TMEM135: variants seen among roughly 807,000 people sequenced by gnomAD.
TMEM135 encodes the protein transmembrane protein 135, also known as peroxisomal membrane protein 52.
In TMEM135, 30 loss-of-function variants were observed where a neutral mutation model predicts 60.3. The observed-to-expected ratio is 0.50, with a 90% confidence interval of 0.37 to 0.68. The LOEUF is 0.68. Ranked by LOEUF, TMEM135 falls within the 30% of genes least tolerant of loss-of-function variation. The pLI is 0.00. For synonymous variants in TMEM135, 190 were observed against 186.7 expected, an observed-to-expected ratio of 1.02 and a Z score of -0.14; for missense variants, 468 against 548.8, an observed-to-expected ratio of 0.85 and a Z score of 1.47.
intron 1 of TMEM135, among the ~76,000 whole-genome samples, chr11:87,056,423 G>C (rs1020382231): frequency 6.6e-6 from 1 of 152,124 alleles, no homozygotes; most frequent in African/African-American, 2.4e-5. Flanking sequence ...TCTTTTTAAA[G>C]CTTTCTTTTT....
At chr11:87,192,944 G>A (rs554013093) in intron 5 of TMEM135, among the ~76,000 whole-genome samples, 113 of 152,064 alleles carry the variant, frequency 7.4e-4, no homozygotes, top group Non-Finnish European at 1.5e-3. Context: ...GGAAAACCCC[G>A]TCTCTACTAA....
rs1351322807 is a variant in TMEM135, at chr11:87,326,947, A to G, written c.*5614A>G. ...TTTTTTTTTCACTAAAACGCTTCCT[A>G]TAACTTGGATTAAAATTCAAAAATG... On this transcript the variant is annotated 3_prime_UTR_variant, in exon 15 of 15. Coordinates refer to ENST00000305494, the MANE Select transcript of TMEM135 (RefSeq NM_022918.4). 5 of 440,590 alleles carry G rather than the reference A, an allele frequency of 1.1e-5. No individual in the cohort carries two copies. The highest frequency in any genetic ancestry group is 7.1e-5 in the East Asian group (1 of 14,064). The allele number at this position is 440,590 out of a possible 1,614,324, so 27.3% of individuals were successfully genotyped here.
intron 4 of TMEM135, among the ~76,000 whole-genome samples, chr11:87,119,168 T>C (rs1857975021): frequency 6.6e-6 from 1 of 152,224 alleles, no homozygotes; most frequent in Non-Finnish European, 1.5e-5. Context: ...TAGTTTTTGA[T>C]TTAAAGTGAA....
At chr11:87,169,164 C>T (rs1044424212) in intron 5 of TMEM135, among the ~76,000 whole-genome samples, 5 of 150,752 alleles carry the variant, frequency 3.3e-5, no homozygotes, top group African/African-American at 1.2e-4. Flanking sequence ...TAAATTCTTC[C>T]TCCATCCCTT....
At chr11:87,114,320 C>G (rs1438195619) in intron 4 of TMEM135, among the ~76,000 whole-genome samples, 1 of 152,030 alleles carries the variant, frequency 6.6e-6, no homozygotes, top group East Asian at 1.9e-4. Context: ...AATAGGAACT[C>G]AGAGGTTTCA....
intron 5 of TMEM135, among the ~76,000 whole-genome samples, chr11:87,224,479 C>G (rs1038931408): frequency 1.8e-4 from 28 of 152,128 alleles, no homozygotes; most frequent in Admixed American, 3.9e-4. Context: ...CTAAAGTAAT[C>G]TAGAAGCTCT....
chr11:87,271,530 G>A (rs1941862721), intron 6 of TMEM135, among the ~76,000 whole-genome samples: 1 of 150,464 alleles, frequency 6.6e-6, no homozygotes, highest in South Asian at 2.1e-4. Flanking sequence ...GCATACATCA[G>A]ATTTCAAAGA....
rs1026222945 is a variant in TMEM135 at position 87,305,804 on chromosome 11, T to TAAATAAATAAATAAATAAAG, written c.699-129_699-128insTAAATAAATAAATAAAGAAA. ...ATAAATAAATAAATAAATAAATAAA[T>TAAATAAATAAATAAATAAAG]AAAGTGATGTTTTCTTCTCTCTCTT... is the stretch of plus-strand genomic sequence containing the variant. On this transcript the variant is annotated intron_variant, in intron 8 of 14. Coordinates refer to ENST00000305494, the MANE Select transcript of TMEM135 (RefSeq NM_022918.4). 2,158 of 412,336 alleles carry TAAATAAATAAATAAATAAAG rather than the reference T, an allele frequency of 5.2e-3. 9 individuals are homozygous for TAAATAAATAAATAAATAAAG. The highest frequency in any genetic ancestry group is 7.6e-3 in the Admixed American group (185 of 24,256). 25.5% of individuals were successfully genotyped at this position (412,336 alleles called of 1,614,324 possible).
At chr11:87,040,960 T>A (rs2512377) in intron 1 of TMEM135, among the ~76,000 whole-genome samples, 3 of 151,830 alleles carry the variant, frequency 2.0e-5, no homozygotes, top group Non-Finnish European at 4.4e-5. Flanking sequence ...TACAGACATT[T>A]ATTCATGCAG....
Position 87,327,692 on chromosome 11 carries a change from A to G in TMEM135, c.*6359A>G, listed in dbSNP as rs768221553. 1 of 454,030 alleles carries G rather than the reference A, an allele frequency of 2.2e-6. No homozygotes were observed. Among genetic ancestry groups the G allele is most frequent in the Non-Finnish European group, 4.4e-6 (1 of 226,792 alleles). 28.1% of individuals were successfully genotyped at this position (454,030 alleles called of 1,614,324 possible). ...TGGTCTGGCTCAGTACAAGTCCAAA[A>G]GCCTTGGAACCAGGGAAACTGATGG... is the stretch of plus-strand genomic sequence containing the variant. On this transcript the variant is annotated 3_prime_UTR_variant, in exon 15 of 15. Coordinates refer to ENST00000305494, the MANE Select transcript of TMEM135 (RefSeq NM_022918.4).
intron 5 of TMEM135, among the ~76,000 whole-genome samples, chr11:87,188,285 A>G (rs901037627): frequency 6.6e-6 from 1 of 152,176 alleles, no homozygotes; most frequent in Non-Finnish European, 1.5e-5. Context: ...AATTGAGCCA[A>G]TTTGAATTCA....
intron 9 of TMEM135, 49 bp downstream of exon 9, chr11:87,306,054 G>T (rs778393024): frequency 9.4e-7 from 1 of 1,066,650 alleles, no homozygotes; most frequent in East Asian, 2.6e-5. Flanking sequence ...AATGGGTATA[G>T]AAATTATTTA....
Position 87,159,617 on chromosome 11 carries a change from A to ACACACACACACACACACCCC in TMEM135, c.462+2212_462+2213insACACACACACACACACCCCC, listed in dbSNP as rs140303858. Among the ~76,000 whole-genome samples the ACACACACACACACACACCCC allele has an allele frequency of 3.5e-3, 522 of 149,442 alleles. 5 individuals are homozygous for ACACACACACACACACACCCC. The highest frequency in any genetic ancestry group is 0.023 in the East Asian group (116 of 4,992). On this transcript the variant is annotated intron_variant, in intron 5 of 14. Coordinates refer to ENST00000305494, the MANE Select transcript of TMEM135 (RefSeq NM_022918.4). Reference sequence around the variant, plus strand: ...CGCACACACACACACACACACACACACCATAGATTTTCCGAGACGGTTGGC... The same window carrying ACACACACACACACACACCCC: ...CGCACACACACACACACACACACACACACACACACACACACACCCCCCATAGATTTTCCGAGACGGTTGGC...
At chr11:87,252,792 A>ATC in intron 6 of TMEM135, among the ~76,000 whole-genome samples, 1 of 42,990 alleles carries the variant, frequency 2.3e-5, no homozygotes, top group Non-Finnish European at 8.0e-5. Context: ...AAAAATTAAA[A>ATC]TATATATGTG....
intron 4 of TMEM135, among the ~76,000 whole-genome samples, chr11:87,154,354 C>T (rs1302697678): frequency 6.6e-6 from 1 of 152,072 alleles, no homozygotes; most frequent in Non-Finnish European, 1.5e-5. Context: ...TATGTATATA[C>T]CGTATTTTGT....
intron 5 of TMEM135, among the ~76,000 whole-genome samples, chr11:87,158,464 A>T (rs1591064061): frequency 7.1e-6 from 1 of 140,578 alleles, no homozygotes; most frequent in South Asian, 2.2e-4. Context: ...CCTTGGTATA[A>T]TTTTTTTTTT....
chr11:87,274,752 G>C (rs1158603578), intron 6 of TMEM135, among the ~76,000 whole-genome samples: 2 of 149,834 alleles, frequency 1.3e-5, no homozygotes, highest in Admixed American at 6.7e-5. Flanking sequence ...CTTGAGGCTA[G>C]GAGTTCAAAA....
chr11:87,257,512 C>T (rs904300806), intron 6 of TMEM135, among the ~76,000 whole-genome samples: 1 of 152,104 alleles, frequency 6.6e-6, no homozygotes, highest in Non-Finnish European at 1.5e-5. Context: ...TCACATTTCT[C>T]GTCTTCAGTG....
At chr11:87,263,752 G>A (rs1202989155) in intron 6 of TMEM135, among the ~76,000 whole-genome samples, 1 of 152,050 alleles carries the variant, frequency 6.6e-6, no homozygotes, top group Non-Finnish European at 1.5e-5. Flanking sequence ...GAAAATGAAC[G>A]TGAAAAATTT....
Sources: gnomAD v4.1 joint callset for allele counts (sites outside exome capture counted in the v4.1 genomes callset) on GRCh38, gnomAD v4.1.1 for gene constraint, MANE v1.5 for transcripts, NCBI Gene and HGNC (gene_info 2026-07-23, HGNC 2026-07-21) for gene names.